The following TMCC2 variants were observed in gnomAD, a reference collection of about 807,000 sequenced individuals.
TMCC2 encodes transmembrane and coiled-coil domain family 2, also known as transmembrane and coiled-coil domains protein 2.
TMCC2 carries 16 observed loss-of-function variants against 49.4 expected under a neutral mutation model. The ratio of observed to expected loss-of-function variants is 0.32; its 90% CI spans 0.22 to 0.49. The LOEUF (loss-of-function observed/expected upper bound fraction) is 0.49, where lower values mean the gene tolerates loss of function less well. TMCC2 is among the 20% of genes least tolerant of loss of function. The pLI, the probability that TMCC2 is intolerant of heterozygous loss-of-function variation, is 0.99. For missense variants in TMCC2, 762 were observed against 989.8 expected (o/e 0.77, Z 3.09); for synonymous variants, 397 against 434.1 (o/e 0.91, Z 1.06).
chr1:205,272,064 C>G lies in TMCC2; in HGVS notation c.2070C>G (p.Leu690=), dbSNP rs1158059655. The change falls in exon 5 of 5, where the codon CTC becomes CTG. Residue 690 remains leucine, a synonymous_variant. Coordinates refer to ENST00000358024, the MANE Select transcript of TMCC2 (RefSeq NM_014858.4). ...CCCTCCTGGTCCTCGTCCTGTTCCT[C>G]CTCTGGAAGCACTGGGACTCCCTCA... ...STTLLVLVLF[L]LWKHWDSLTY... 6.2e-7 allele frequency: 1 copy of G among 1,614,088 alleles called. No homozygotes were observed. Among genetic ancestry groups the G allele is most frequent in the Non-Finnish European group, 8.5e-7 (1 of 1,180,034 alleles).
rs568886683 is a variant in TMCC2 at position 205,233,495 on chromosome 1, C to T, written c.207+4724C>T. On this transcript the variant is annotated intron_variant, in intron 1 of 4. Coordinates refer to ENST00000358024, the MANE Select transcript of TMCC2 (RefSeq NM_014858.4). ...TCACAACTGAGTCCTGTGTGGTTCT[C>T]CCTGCTGGCTCTCCGCCTTTCCTGG... is the stretch of plus-strand genomic sequence containing the variant. 6.1e-4 allele frequency among the ~76,000 whole-genome samples: 93 copies of T among 152,308 alleles called. 1 individual carries two copies. Among genetic ancestry groups the T allele is most frequent in the Non-Finnish European group, 1.2e-3 (84 of 68,028 alleles).
At chr1:205,267,300 T>C (rs998163875) in intron 2 of TMCC2, among the ~76,000 whole-genome samples, 1 of 152,180 alleles carries the variant, frequency 6.6e-6, no homozygotes, top group East Asian at 1.9e-4. Flanking sequence ...TTCCAATAAC[T>C]TTGCACCTTG....
chr1:205,250,530 A>G (rs1338807473), intron 2 of TMCC2, among the ~76,000 whole-genome samples: 2 of 152,138 alleles, frequency 1.3e-5, no homozygotes, highest in African/African-American at 4.8e-5. Flanking sequence ...AACAAAAGGG[A>G]AACTCCGTCT....
chr1:205,244,407 T>G (rs1324090359), intron 2 of TMCC2, among the ~76,000 whole-genome samples: 1 of 152,138 alleles, frequency 6.6e-6, no homozygotes, highest in Non-Finnish European at 1.5e-5. Flanking sequence ...AGAAATGAAT[T>G]CTTACTTTGT....
Position 205,228,703 on chromosome 1 carries a change from C to G in TMCC2, c.139C>G (p.Pro47Ala). The G allele has an allele frequency of 1.9e-6, 3 of 1,612,100 alleles. No homozygotes were observed. The highest frequency in any genetic ancestry group is 2.5e-6 in the Non-Finnish European group (3 of 1,179,652). The change falls in exon 1 of 5, where the codon CCA (proline) becomes GCA (alanine). Residue 47 changes from proline to alanine, a missense_variant. Physicochemically the swap from Pro to Ala is conservative, Grantham distance 27. Transcript: ENST00000358024. ...ETTGANSAGG[P>A]TSDAGAAAAP... ...CACGGGTGCTAACTCTGCTGGCGGGCCAACTTCAGACGCCGGCGCTGCCGC... is the reference window on the plus strand; with the variant it reads ...CACGGGTGCTAACTCTGCTGGCGGGGCAACTTCAGACGCCGGCGCTGCCGC...
At chr1:205,246,029 A>T (rs1376286559) in intron 2 of TMCC2, among the ~76,000 whole-genome samples, 1 of 151,948 alleles carries the variant, frequency 6.6e-6, no homozygotes, top group Non-Finnish European at 1.5e-5. Flanking sequence ...GGCTTTCCTC[A>T]GCCTCCCGAA....
intron 1 of TMCC2, among the ~76,000 whole-genome samples, chr1:205,232,198 G>A (rs891752141): frequency 9.2e-5 from 14 of 152,274 alleles, no homozygotes; most frequent in African/African-American, 2.6e-4. Context: ...AAAAGTAGTA[G>A]TTAAGCAGCA....
chr1:205,271,624 C>CTAG (rs139034749), intron 4 of TMCC2, among the ~76,000 whole-genome samples, 189 bp from the exon 5 acceptor site: 103 of 152,326 alleles, frequency 6.8e-4, no homozygotes, highest in Non-Finnish European at 1.3e-3. Context: ...CTCTCATTTC[C>CTAG]TAGCATCCTC....
Position 205,269,206 on chromosome 1 carries a change from T to C in TMCC2, c.1004T>C (p.Val335Ala), listed in dbSNP as rs1661474091. ...CAGCAGGTGTCACGCATCAAGCAAGTGTTCGAGAAGAAGAACCAGAAGTCA... is the reference window on the plus strand; with the variant it reads ...CAGCAGGTGTCACGCATCAAGCAAGCGTTCGAGAAGAAGAACCAGAAGTCA... ...DKQQVSRIKQ[V>A]FEKKNQKSAQ... Residue 335 changes from valine (V) to alanine (A), a missense_variant, in exon 3 of 5, where the codon GTG becomes GCG. Around this residue, in one of 2 missense-constraint regions of TMCC2, gnomAD observed 440 missense variants for 636.7 expected, o/e 0.69. Transcript: ENST00000358024. 4 of 1,613,916 alleles carry C rather than the reference T, an allele frequency of 2.5e-6. No homozygotes were observed. Among genetic ancestry groups the C allele is most frequent in the Non-Finnish European group, 3.4e-6 (4 of 1,180,022 alleles).
At chr1:205,236,180 A>C (rs1038421918) in intron 1 of TMCC2, among the ~76,000 whole-genome samples, 2 of 152,194 alleles carry the variant, frequency 1.3e-5, no homozygotes, top group Non-Finnish European at 2.9e-5. Flanking sequence ...ATCTGGCTGT[A>C]AGGACATGAG....
chr1:205,257,219 G>A, intron 2 of TMCC2: 4 of 1,232,418 alleles, frequency 3.2e-6, no homozygotes, highest in Non-Finnish European at 4.0e-6. Flanking sequence ...CGGCTGCAGA[G>A]TCTGGGAACT....
intron 4 of TMCC2, 114 bp downstream of exon 4, chr1:205,271,369 C>T (rs756635233): frequency 1.9e-5 from 29 of 1,559,476 alleles, no homozygotes; most frequent in East Asian, 4.5e-5. Flanking sequence ...GCCTGTTGGC[C>T]GGGGCCGATA....
rs761361801 is a variant in TMCC2, at chr1:205,271,975, G to A, written c.1981G>A (p.Val661Met). ...LALMAVLLVF[V>M]STIANFITPL... ...GCTCATGGCCGTGCTGCTGGTGTTC[G>A]TGTCCACCATCGCCAACTTCATCAC... Residue 661 changes from valine (V) to methionine (M), a missense_variant, in exon 5 of 5, where the codon GTG becomes ATG. Coordinates refer to ENST00000358024, the MANE Select transcript of TMCC2 (RefSeq NM_014858.4). The A allele has an allele frequency of 9.3e-6, 15 of 1,614,090 alleles. No individual in the cohort carries two copies. Among genetic ancestry groups the A allele is most frequent in the South Asian group, 1.1e-5 (1 of 91,090 alleles).
At position 205,271,978 on chromosome 1, in the gene TMCC2, T is replaced by A. The variant is rs1176464568; in HGVS notation, c.1984T>A (p.Ser662Thr). 2 of 1,614,060 alleles carry A rather than the reference T, an allele frequency of 1.2e-6. No homozygotes were observed. Among genetic ancestry groups the A allele is most frequent in the Non-Finnish European group, 1.7e-6 (2 of 1,180,042 alleles). ...ALMAVLLVFV[S>T]TIANFITPLM... is the part of the protein sequence containing the mutation. Reference sequence around the variant, plus strand: ...CATGGCCGTGCTGCTGGTGTTCGTGTCCACCATCGCCAACTTCATCACGCC... The same window carrying A: ...CATGGCCGTGCTGCTGGTGTTCGTGACCACCATCGCCAACTTCATCACGCC... The change falls in exon 5 of 5, where the codon TCC becomes ACC. Residue 662 changes from serine (S) to threonine (T), a missense_variant. Physicochemically the swap from Ser to Thr is moderately conservative, Grantham distance 58. Around this residue, in one of 2 missense-constraint regions of TMCC2, gnomAD observed 440 missense variants for 636.7 expected, o/e 0.69. Transcript: ENST00000358024.
intron 2 of TMCC2, among the ~76,000 whole-genome samples, chr1:205,262,973 A>C (rs1661175788): frequency 6.6e-6 from 1 of 152,012 alleles, no homozygotes; most frequent in Admixed American, 6.6e-5. Flanking sequence ...GAAGGGAGTT[A>C]ATTCAGATGG....
chr1:205,249,801 G>C (rs1660596432), intron 2 of TMCC2, among the ~76,000 whole-genome samples: 1 of 152,218 alleles, frequency 6.6e-6, no homozygotes, highest in Admixed American at 6.5e-5. Context: ...AGAGCCAGAG[G>C]CAGCCAGACC....
intron 2 of TMCC2, chr1:205,246,346 A>T (rs11240398): frequency 0.17 from 57,083 of 327,202 alleles, 6,588 homozygotes; most frequent in East Asian, 0.4. Context: ...GGTTTGGGGT[A>T]CCTTCAGTTT....
intron 1 of TMCC2, among the ~76,000 whole-genome samples, chr1:205,239,622 AT>A (rs1660190039): frequency 6.6e-6 from 1 of 152,226 alleles, no homozygotes; most frequent in African/African-American, 2.4e-5. Context: ...AGGAGAATCA[AT>A]GGGATAATGC....
chr1:205,230,997 T>TCCCCCCCCCCCC (rs57350842), intron 1 of TMCC2, among the ~76,000 whole-genome samples: 5 of 42,270 alleles, frequency 1.2e-4, no homozygotes, highest in Admixed American at 3.0e-4. Context: ...CATCCCCCCA[T>TCCCCCCCCCCCC]CCCCCCCCCC....
Sources: gnomAD v4.1 joint callset for allele counts (sites outside exome capture counted in the v4.1 genomes callset) on GRCh38, gnomAD v4.1.1 for gene constraint, gnomAD v4.1.1 regional missense constraint, MANE v1.5 for transcripts, NCBI Gene and HGNC (gene_info 2026-07-23, HGNC 2026-07-21) for gene names.